The following DIAPH2 variants were observed in gnomAD, a reference collection of about 807,000 sequenced individuals.
The protein encoded by DIAPH2 is diaphanous related formin 2.
DIAPH2 carries 35 observed loss-of-function variants against 92.7 expected under a neutral mutation model. The observed-to-expected ratio is 0.38, with a 90% confidence interval of 0.29 to 0.50. The LOEUF is 0.50. Ranked by LOEUF, DIAPH2 falls within the 20% of genes least tolerant of loss-of-function variation. DIAPH2 has a pLI of 0.94. For synonymous variants in DIAPH2, 301 were observed against 280.4 expected (o/e 1.07, Z -0.73); for missense variants, 701 against 819.5 (o/e 0.86, Z 1.77).
intron 23 of DIAPH2, among the ~76,000 whole-genome samples, chrX:97,292,064 T>C (rs12844142): frequency 0.45 from 43,792 of 97,148 alleles, 8,037 homozygotes; most frequent in Non-Finnish European, 0.58. Flanking sequence ...TAGCTACTTA[T>C]AGAAGCAATT....
chrX:97,568,241 A>G (rs1183865612), intron 26 of DIAPH2, among the ~76,000 whole-genome samples: 1 of 110,568 alleles, frequency 9.0e-6, no homozygotes, highest in Non-Finnish European at 1.9e-5. Context: ...AATAATTTCA[A>G]TTAAATAAAA....
chrX:96,995,154 T>C (rs1487496439), intron 17 of DIAPH2, among the ~76,000 whole-genome samples: 1 of 111,771 alleles, frequency 8.9e-6, no homozygotes, highest in Non-Finnish European at 1.9e-5. Context: ...AGGGACTAGT[T>C]TCGTCGTGTA....
chrX:97,330,739 C>T (rs1197967482), intron 23 of DIAPH2, among the ~76,000 whole-genome samples: 1 of 110,597 alleles, frequency 9.0e-6, no homozygotes, highest in African/African-American at 3.3e-5. Flanking sequence ...TCTTGAACTC[C>T]TAACCTCAGG....
At chrX:96,865,467 C>T (rs2065098803) in intron 4 of DIAPH2, among the ~76,000 whole-genome samples, 1 of 111,976 alleles carries the variant, frequency 8.9e-6, no homozygotes, top group African/African-American at 3.2e-5. Flanking sequence ...AAAAGAAGAA[C>T]ACATGCAAAG....
chrX:96,981,152 T>C (rs2065994526), intron 17 of DIAPH2, among the ~76,000 whole-genome samples: 2 of 110,095 alleles, frequency 1.8e-5, no homozygotes, highest in African/African-American at 6.6e-5. Flanking sequence ...GTAGCCTTGA[T>C]GACAGAGTGA....
chrX:97,117,370 G>C (rs747355663), intron 21 of DIAPH2, among the ~76,000 whole-genome samples: 16 of 111,902 alleles, frequency 1.4e-4, no homozygotes, highest in Admixed American at 1.0e-3. Context: ...TGTATGATTA[G>C]CTAGAATTGC....
chrX:97,244,894 T>C (rs1274267222), intron 22 of DIAPH2, among the ~76,000 whole-genome samples: 1 of 110,905 alleles, frequency 9.0e-6, no homozygotes, highest in Non-Finnish European at 1.9e-5. Flanking sequence ...ATCGAGACCA[T>C]CCTGACCAAC....
At chrX:96,826,099 C>A (rs944165755) in intron 4 of DIAPH2, among the ~76,000 whole-genome samples, 2 of 111,171 alleles carry the variant, frequency 1.8e-5, no homozygotes, top group Non-Finnish European at 3.8e-5. Flanking sequence ...ATCCAAGTCC[C>A]CCTAACACAA....
intron 26 of DIAPH2, among the ~76,000 whole-genome samples, chrX:97,577,324 C>G (rs181951760): frequency 1.8e-3 from 203 of 112,398 alleles, no homozygotes; most frequent in African/African-American, 6.4e-3. Flanking sequence ...AAAGAATCAG[C>G]ATGTATTTAC....
chrX:97,525,206 T>G (rs2071016800), intron 26 of DIAPH2, among the ~76,000 whole-genome samples: 1 of 112,023 alleles, frequency 8.9e-6, no homozygotes, highest in South Asian at 3.7e-4. Context: ...CATTGTCCTA[T>G]TCCCATGTTT....
intron 23 of DIAPH2, among the ~76,000 whole-genome samples, chrX:97,286,756 C>T (rs1013821181): frequency 1.1e-4 from 12 of 111,332 alleles, no homozygotes; most frequent in African/African-American, 3.9e-4. Flanking sequence ...CTACAGAGAT[C>T]GAATCCTGTC....
At chrX:96,924,756 A>C (rs771294772) in intron 9 of DIAPH2, among the ~76,000 whole-genome samples, 1 of 110,921 alleles carries the variant, frequency 9.0e-6, no homozygotes, top group East Asian at 2.9e-4. Context: ...AAGCAGGAGG[A>C]AGAGAGAGAA....
At chrX:97,290,885 GCCAAC>G (rs1378338913) in intron 23 of DIAPH2, among the ~76,000 whole-genome samples, 1 of 111,290 alleles carries the variant, frequency 9.0e-6, no homozygotes, top group African/African-American at 3.3e-5. Flanking sequence ...GACCAGCCTG[GCCAAC>G]GTGGTGAAAC....
intron 23 of DIAPH2, among the ~76,000 whole-genome samples, chrX:97,330,468 C>T (rs1240122082): frequency 9.1e-6 from 1 of 110,190 alleles, no homozygotes; most frequent in Non-Finnish European, 1.9e-5. Context: ...ATAATGTCCT[C>T]AAGGCTCATC....
chrX:97,119,973 G>A (rs998284049), intron 21 of DIAPH2, among the ~76,000 whole-genome samples: 10 of 111,737 alleles, frequency 8.9e-5, no homozygotes, highest in Admixed American at 6.6e-4. Flanking sequence ...ACCCACCTCC[G>A]AGCTGTGAAA....
At chrX:96,993,871 A>G (rs2066087932) in intron 17 of DIAPH2, among the ~76,000 whole-genome samples, 1 of 111,767 alleles carries the variant, frequency 8.9e-6, no homozygotes, top group South Asian at 3.8e-4. Context: ...TTTCCAAAAA[A>G]CAGAAGGGTC....
intron 26 of DIAPH2, among the ~76,000 whole-genome samples, chrX:97,562,823 C>T (rs770554739): frequency 1.8e-5 from 2 of 111,966 alleles, no homozygotes; most frequent in Admixed American, 1.9e-4. Context: ...AGGTTATTAC[C>T]TACTCCAACA....
intron 24 of DIAPH2, among the ~76,000 whole-genome samples, chrX:97,362,801 G>C (rs1469071218): frequency 8.9e-6 from 1 of 112,616 alleles, no homozygotes; most frequent in Admixed American, 9.4e-5. Flanking sequence ...AAGTGCTATG[G>C]AAAGAAGAAA....
chrX:96,810,206 C>A (rs945472443), intron 4 of DIAPH2, among the ~76,000 whole-genome samples: 2 of 111,957 alleles, frequency 1.8e-5, no homozygotes, highest in Non-Finnish European at 3.8e-5. Flanking sequence ...TAATGATTGC[C>A]GTTCTAACTG....
Sources: allele counts gnomAD v4.1 joint callset (sites outside exome capture counted in the v4.1 genomes callset), GRCh38; gene constraint gnomAD v4.1.1; transcripts MANE v1.5; gene names NCBI Gene and HGNC (gene_info 2026-07-23, HGNC 2026-07-21).